The following STXBP5L variants were observed in gnomAD, a reference collection of about 807,000 sequenced individuals.
STXBP5L encodes syntaxin binding protein 5L, also known as syntaxin-binding protein 5-like.
A neutral mutation model predicts 144.5 loss-of-function variants in STXBP5L; 65 were observed. The observed-to-expected ratio is 0.45, with a 90% CI of 0.37 to 0.55. The LOEUF (loss-of-function observed/expected upper bound fraction) is 0.55. STXBP5L is among the 20% of genes least tolerant of loss of function. The pLI is 0.00. For missense variants in STXBP5L, 1,298 were observed against 1,405.5 expected, an observed-to-expected ratio of 0.92 and a Z score of 1.22; for synonymous variants, 505 against 469.6, an observed-to-expected ratio of 1.08 and a Z score of -0.97.
At chr3:120,981,477 T>A (rs1444701584) in intron 3 of STXBP5L, among the ~76,000 whole-genome samples, 3 of 152,146 alleles carry the variant, frequency 2.0e-5, no homozygotes, top group African/African-American at 4.8e-5. Context: ...TAGCCTATTA[T>A]TAGGGCTTTG....
intron 5 of STXBP5L, among the ~76,000 whole-genome samples, chr3:121,103,193 G>C (rs553109923): frequency 6.6e-6 from 1 of 151,308 alleles, no homozygotes; most frequent in East Asian, 1.9e-4. Context: ...TCCCATTACT[G>C]GGTATATATC....
chr3:121,026,425 A>G (rs976475770), intron 3 of STXBP5L, among the ~76,000 whole-genome samples: 4 of 152,158 alleles, frequency 2.6e-5, no homozygotes, highest in Non-Finnish European at 5.9e-5. Context: ...ACACATCACT[A>G]GCTTATATTT....
intron 22 of STXBP5L, among the ~76,000 whole-genome samples, chr3:121,383,849 C>G (rs1276630784): frequency 6.6e-6 from 1 of 152,046 alleles, no homozygotes. Context: ...CTTATGGGAA[C>G]TATTATGGGT....
At chr3:120,975,607 T>A (rs2107823741) in intron 3 of STXBP5L, among the ~76,000 whole-genome samples, 1 of 152,322 alleles carries the variant, frequency 6.6e-6, no homozygotes, top group Non-Finnish European at 1.5e-5. Context: ...AGAGAGGGCA[T>A]CCCTGTCTTG....
chr3:121,149,267 C>T (rs773942383), intron 7 of STXBP5L, among the ~76,000 whole-genome samples: 17 of 151,842 alleles, frequency 1.1e-4, no homozygotes, highest in Admixed American at 2.0e-4. Context: ...TAAAATTAAA[C>T]ACCTATTCCT....
At chr3:121,296,449 A>T (rs1395429356) in intron 19 of STXBP5L, among the ~76,000 whole-genome samples, 2 of 152,224 alleles carry the variant, frequency 1.3e-5, no homozygotes, top group East Asian at 3.8e-4. Context: ...ATGTTAAAAG[A>T]TGTAAAAGAC....
intron 3 of STXBP5L, among the ~76,000 whole-genome samples, chr3:120,976,233 G>T (rs905268250): frequency 1.3e-5 from 2 of 152,146 alleles, no homozygotes; most frequent in African/African-American, 2.4e-5. Context: ...CCTGTTATTA[G>T]TCTATTCAGA....
At chr3:120,998,904 G>A (rs985739661) in intron 3 of STXBP5L, among the ~76,000 whole-genome samples, 3 of 152,158 alleles carry the variant, frequency 2.0e-5, no homozygotes, top group Non-Finnish European at 4.4e-5. Flanking sequence ...CAATCTCATG[G>A]ATAGGAAGAA....
chr3:121,326,222 T>C (rs191990935), intron 20 of STXBP5L, among the ~76,000 whole-genome samples: 7 of 152,042 alleles, frequency 4.6e-5, no homozygotes, highest in Admixed American at 3.9e-4. Context: ...CAAATTCTAA[T>C]AAAAAATACC....
At chr3:121,100,880 C>A (rs1414193593) in intron 5 of STXBP5L, among the ~76,000 whole-genome samples, 1 of 151,518 alleles carries the variant, frequency 6.6e-6, no homozygotes, top group Non-Finnish European at 1.5e-5. Flanking sequence ...AGGAAAGATC[C>A]AAATAAGCAA....
intron 5 of STXBP5L, among the ~76,000 whole-genome samples, chr3:121,078,302 G>C (rs1164370252): frequency 1.3e-5 from 2 of 151,286 alleles, no homozygotes; most frequent in Non-Finnish European, 2.9e-5. Flanking sequence ...TAGATACAGA[G>C]TGTCGATTGA....
chr3:120,926,593 T>G (rs1227868986), intron 2 of STXBP5L, among the ~76,000 whole-genome samples: 1 of 152,136 alleles, frequency 6.6e-6, no homozygotes, highest in Non-Finnish European at 1.5e-5. Context: ...TTTTCTAGTT[T>G]TAGAAAGTTT....
intron 15 of STXBP5L, among the ~76,000 whole-genome samples, chr3:121,253,972 G>A (rs2050127062): frequency 6.6e-6 from 1 of 151,614 alleles, no homozygotes. Flanking sequence ...TATTCTTTAC[G>A]ACAAAAAAAT....
intron 9 of STXBP5L, among the ~76,000 whole-genome samples, chr3:121,179,639 G>T (rs114290852): frequency 2.6e-5 from 4 of 152,036 alleles, no homozygotes; most frequent in Middle Eastern, 3.4e-3. Flanking sequence ...AGCTACTCAA[G>T]GAAATACCAG....
intron 21 of STXBP5L, 59 bp from the exon 22 acceptor site, chr3:121,381,234 G>A: frequency 6.8e-7 from 1 of 1,471,014 alleles, no homozygotes; most frequent in Non-Finnish European, 9.2e-7. Context: ...TATTAAATCT[G>A]ATGTTATTGT....
At chr3:121,094,889 A>G (rs141908805) in intron 5 of STXBP5L, among the ~76,000 whole-genome samples, 1 of 152,088 alleles carries the variant, frequency 6.6e-6, no homozygotes, top group East Asian at 1.9e-4. Flanking sequence ...ACATTTTGGC[A>G]TGATTTTGCA....
chr3:121,162,823 G>C (rs1039307359), intron 9 of STXBP5L, among the ~76,000 whole-genome samples: 1 of 152,138 alleles, frequency 6.6e-6, no homozygotes, highest in African/African-American at 2.4e-5. Context: ...ATGAAAAAAG[G>C]CTCATCATCA....
chr3:121,054,852 T>C (rs1445360666), intron 5 of STXBP5L, among the ~76,000 whole-genome samples: 1 of 152,150 alleles, frequency 6.6e-6, no homozygotes, highest in Non-Finnish European at 1.5e-5. Context: ...TTGTAAGATT[T>C]TTCTTCTAAT....
intron 3 of STXBP5L, among the ~76,000 whole-genome samples, chr3:120,992,380 T>A (rs1942986829): frequency 6.6e-6 from 1 of 152,070 alleles, no homozygotes; most frequent in Non-Finnish European, 1.5e-5. Context: ...ACTCTGCTAT[T>A]GAACATTAGA....
Sources: gnomAD v4.1 joint callset for allele counts (sites outside exome capture counted in the v4.1 genomes callset) on GRCh38, gnomAD v4.1.1 for gene constraint, MANE v1.5 for transcripts, NCBI Gene and HGNC (gene_info 2026-07-23, HGNC 2026-07-21) for gene names.